CTSW: variants seen among roughly 807,000 people sequenced by gnomAD.
CTSW encodes the protein cathepsin W.
A neutral mutation model predicts 43.8 loss-of-function variants in CTSW; 42 were observed. That is an observed-to-expected ratio of 0.96 (90% CI 0.75 to 1.24). The LOEUF (loss-of-function observed/expected upper bound fraction) is 1.24. Ranked by LOEUF, CTSW falls within the 50% of genes most tolerant of loss-of-function variation. The pLI is 0.00. For missense variants in CTSW, 475 were observed against 479.9 expected (o/e 0.99, Z 0.09); for synonymous variants, 191 against 184.8 (o/e 1.03, Z -0.27).
chr11:65,880,120 C>A, intron 1 of CTSW, 82 bp from the exon 2 acceptor site: 1 of 1,353,700 alleles, frequency 7.4e-7, no homozygotes, highest in Non-Finnish European at 1.1e-6. Flanking sequence ...TAGCCCAGTC[C>A]TTGCACGGCT....
chr11:65,883,367 A>T lies in CTSW; in HGVS notation c.963A>T (p.Pro321=). Residue 321 remains proline, a synonymous_variant, in exon 9 of 10, where the codon CCA becomes CCT. Coordinates refer to ENST00000307886, the MANE Select transcript of CTSW (RefSeq NM_001335.4). Reference sequence around the variant, plus strand: ...CATCGCAGTCTCAGCCTCAGCCTCCACACCCCACCCCATACTGGATCCTGA... The same window carrying T: ...CATCGCAGTCTCAGCCTCAGCCTCCTCACCCCACCCCATACTGGATCCTGA... The part of the protein sequence containing the change: ...TVSSQSQPQP[P]HPTPYWILKN... The T allele has an allele frequency of 6.2e-7, 1 of 1,613,986 alleles. No homozygotes were observed. Among genetic ancestry groups the T allele is most frequent in the Non-Finnish European group, 8.5e-7 (1 of 1,179,980 alleles).
In CTSW at chr11:65,882,462, G is replaced by A. The variant is rs746659116; in HGVS notation, c.474G>A (p.Ala158=). 9.3e-6 allele frequency: 15 copies of A among 1,614,068 alleles called. No homozygotes were observed. Among genetic ancestry groups the A allele is most frequent in the East Asian group, 6.7e-5 (3 of 44,896 alleles). Residue 158 remains alanine, a synonymous_variant, in exon 5 of 10, where the codon GCG becomes GCA. Coordinates refer to ENST00000307886, the MANE Select transcript of CTSW (RefSeq NM_001335.4). ...KNCNCCWAMA[A]AGNIETLWRI... is the part of the protein sequence containing the mutation. Reference sequence around the variant, plus strand: ...GCAACTGCTGCTGGGCCATGGCAGCGGCAGGCAACATAGAGACCCTGTGGC... The same window carrying A: ...GCAACTGCTGCTGGGCCATGGCAGCAGCAGGCAACATAGAGACCCTGTGGC...
rs1273483085 is a variant in CTSW at position 65,880,287 on chromosome 11, G to A, written c.172+1G>A. The A allele has an allele frequency of 1.9e-6, 3 of 1,611,992 alleles. No individual in the cohort carries two copies. The highest frequency in any genetic ancestry group is 2.2e-5 in the South Asian group (2 of 90,994). On this transcript the variant is annotated splice_donor_variant, in intron 2 of 9. Transcript: ENST00000307886. LOFTEE classifies it high-confidence loss of function. ...AACCGGAGTTACCTGAGCCCAGAAG[G>A]TATCACAGGGCACATACATCTCCAG...
intron 1 of CTSW, 105 bp downstream of exon 1, chr11:65,880,046 T>A (rs1282191952): frequency 6.3e-5 from 79 of 1,252,114 alleles, no homozygotes; most frequent in Non-Finnish European, 8.7e-5. Flanking sequence ...TTGCTGAGGC[T>A]GGAGAGGGGG....
chr11:65,883,562 C>T lies in CTSW; in HGVS notation c.1075C>T (p.Leu359Phe). Residue 359 changes from leucine to phenylalanine, a missense_variant, in exon 10 of 10, where the codon CTC becomes TTC. Coordinates refer to ENST00000307886, the MANE Select transcript of CTSW (RefSeq NM_001335.4). ...SNTCGITKFP[L>F]TARVQKPDMK... Reference sequence around the variant, plus strand: ...TACCTGTGGCATCACCAAGTTCCCGCTCACTGCCCGTGTGCAGAAACCGGA... The same window carrying T: ...TACCTGTGGCATCACCAAGTTCCCGTTCACTGCCCGTGTGCAGAAACCGGA... 1 of 1,614,128 alleles carries T rather than the reference C, an allele frequency of 6.2e-7. No homozygotes were observed. The highest frequency in any genetic ancestry group is 8.5e-7 in the Non-Finnish European group (1 of 1,179,996).
Position 65,882,347 on chromosome 11 carries a change from G to A in CTSW, c.441+18G>A. 1 of 1,614,070 alleles carries A rather than the reference G, an allele frequency of 6.2e-7. No homozygotes were observed. Among genetic ancestry groups the A allele is most frequent in the Non-Finnish European group, 8.5e-7 (1 of 1,179,980 alleles). Reference sequence around the variant, plus strand: ...AGGACCAGGTATCTGCCGCTACCCAGCTGGCTCTAATTCAGCTAAGTGGTG... The same window carrying A: ...AGGACCAGGTATCTGCCGCTACCCAACTGGCTCTAATTCAGCTAAGTGGTG... On this transcript the variant is annotated intron_variant, in intron 4 of 9. Transcript: ENST00000307886.
chr11:65,882,402 A>G, intron 4 of CTSW, 28 bp from the exon 5 acceptor site: 1 of 1,613,926 alleles, frequency 6.2e-7, no homozygotes, highest in Non-Finnish European at 8.5e-7. Flanking sequence ...CCGAACACCT[A>G]GCCCCGCCCC....
In CTSW at chr11:65,882,474, A is replaced by G; in HGVS notation, c.486A>G (p.Ile162Met). 6.2e-7 allele frequency: 1 copy of G among 1,614,134 alleles called. No homozygotes were observed. The highest frequency in any genetic ancestry group is 8.5e-7 in the Non-Finnish European group (1 of 1,180,004). Reference sequence around the variant, plus strand: ...GGGCCATGGCAGCGGCAGGCAACATAGAGACCCTGTGGCGCATCAGTTTCT... The same window carrying G: ...GGGCCATGGCAGCGGCAGGCAACATGGAGACCCTGTGGCGCATCAGTTTCT... ...CCWAMAAAGN[I>M]ETLWRISFWD... is the part of the protein sequence containing the mutation. The change falls in exon 5 of 10, where the codon ATA (isoleucine) becomes ATG (methionine). Residue 162 changes from isoleucine to methionine, a missense_variant. Coordinates refer to ENST00000307886, the MANE Select transcript of CTSW (RefSeq NM_001335.4).
In CTSW at chr11:65,879,915, G is replaced by T. The variant is rs1860084479; in HGVS notation, c.61G>T (p.Gly21Cys). 1 of 1,613,592 alleles carries T rather than the reference G, an allele frequency of 6.2e-7. No individual in the cohort carries two copies. Reference sequence around the variant, plus strand: ...CCTGTTGGTGGCAGGCCTAGCCCAAGGCATCAGAGGCCCCCTTAGGGCCCA... The same window carrying T: ...CCTGTTGGTGGCAGGCCTAGCCCAATGCATCAGAGGCCCCCTTAGGGCCCA... ...LALLVAGLAQ[G>C]IRGPLRAQDL... The change falls in exon 1 of 10, where the codon GGC becomes TGC. Residue 21 changes from glycine to cysteine, a missense_variant. By Grantham distance (159) the Gly-to-Cys change is radical. Transcript: ENST00000307886.
chr11:65,883,508 G>C lies in CTSW; in HGVS notation c.1021G>C (p.Gly341Arg), dbSNP rs1367096566. Residue 341 changes from glycine (G) to arginine (R), a missense_variant and splice_region_variant, in exon 10 of 10, where the codon GGC becomes CGC. Gly to Arg is a moderately radical substitution (Grantham distance 125). Coordinates refer to ENST00000307886, the MANE Select transcript of CTSW (RefSeq NM_001335.4). ...GCCCCTATGTCCCCTAACCTCCTAG[G>C]GCTATTTCCGGCTGCACCGAGGGAG... ...NSWGAQWGEK[G>R]YFRLHRGSNT... is the part of the protein sequence containing the mutation. 1 of 1,613,498 alleles carries C rather than the reference G, an allele frequency of 6.2e-7. No homozygotes were observed. Among genetic ancestry groups the C allele is most frequent in the Non-Finnish European group, 8.5e-7 (1 of 1,179,634 alleles).
rs759204278 is a variant in CTSW at position 65,880,228 on chromosome 11, G to A, written c.114G>A (p.Leu38=). Residue 38 remains leucine (L), a synonymous_variant, in exon 2 of 10, where the codon CTG becomes CTA. Transcript: ENST00000307886. ...AQDLGPQPLE[L]KEAFKLFQIQ... ...ACCTAGGTCCCCAGCCGCTAGAGCT[G>A]AAAGAGGCCTTCAAGTTGTTCCAGA... 3 of 1,614,168 alleles carry A rather than the reference G, an allele frequency of 1.9e-6. No individual in the cohort carries two copies. Among genetic ancestry groups the A allele is most frequent in the Admixed American group, 3.3e-5 (2 of 60,018 alleles).
chr11:65,880,635 T>G, intron 2 of CTSW: 2 of 241,942 alleles, frequency 8.3e-6, no homozygotes, highest in Non-Finnish European at 1.6e-5. Context: ...CGCTTTGTAA[T>G]AGATGAAGAA....
intron 2 of CTSW, 178 bp downstream of exon 2, chr11:65,880,464 G>C (rs979624348): frequency 4.1e-6 from 2 of 492,088 alleles, no homozygotes; most frequent in African/African-American, 2.0e-5. Context: ...GGGATTACAG[G>C]CATGCGCCAC....
chr11:65,883,160 G>A, intron 8 of CTSW, 27 bp downstream of exon 8: 1 of 1,613,910 alleles, frequency 6.2e-7, no homozygotes, highest in East Asian at 2.2e-5. Flanking sequence ...GATGGGGAAG[G>A]GGCATACAGG....
chr11:65,881,585 G>T, intron 3 of CTSW, 65 bp downstream of exon 3: 1 of 1,123,320 alleles, frequency 8.9e-7, no homozygotes, highest in Non-Finnish European at 1.3e-6. Flanking sequence ...GACACTGGCA[G>T]CTGGACCCAG....
chr11:65,882,642 G>A lies in CTSW; in HGVS notation c.572G>A (p.Cys191Tyr), dbSNP rs1334993201. The A allele has an allele frequency of 1.9e-6, 3 of 1,614,176 alleles. No homozygotes were observed. Among genetic ancestry groups the A allele is most frequent in the Non-Finnish European group, 2.5e-6 (3 of 1,180,028 alleles). Residue 191 changes from cysteine (C) to tyrosine (Y), a missense_variant, in exon 6 of 10, where the codon TGC (cysteine) becomes TAC (tyrosine). By Grantham distance (194) the Cys-to-Tyr change is radical (BLOSUM62 -2). Coordinates refer to ENST00000307886, the MANE Select transcript of CTSW (RefSeq NM_001335.4). ...GACTGTGGCCGCTGTGGGGATGGCT[G>A]CCACGGTGGCTTCGTCTGGGACGCG... ...LLDCGRCGDG[C>Y]HGGFVWDAFI...
rs527826839 is a variant in CTSW at position 65,883,428 on chromosome 11, A to T, written c.1020+4A>T. The T allele has an allele frequency of 6.2e-7, 1 of 1,613,934 alleles. No homozygotes were observed. Among genetic ancestry groups the T allele is most frequent in the South Asian group, 1.1e-5 (1 of 91,080 alleles). ...GGGGGCCCAATGGGGAGAGAAGGTG[A>T]GTGTGATCTATTGGGGGAGGGGGCA... On this transcript the variant is annotated splice_donor_region_variant and intron_variant, in intron 9 of 9. Transcript: ENST00000307886.
At chr11:65,882,548 C>A in intron 5 of CTSW, 22 bp downstream of exon 5, 1 of 1,613,996 alleles carries the variant, frequency 6.2e-7, no homozygotes, top group Non-Finnish European at 8.5e-7. Flanking sequence ...AGAGGGTGCG[C>A]GTGTGACAGG....
At chr11:65,880,447 A>C (rs1196866120) in intron 2 of CTSW, 161 bp downstream of exon 2, 9 of 532,264 alleles carry the variant, frequency 1.7e-5, no homozygotes, top group Non-Finnish European at 2.7e-5. Flanking sequence ...TCAGCCTCTG[A>C]GTAGCTGGGA....
Sources: allele counts gnomAD v4.1 joint callset, GRCh38; gene constraint gnomAD v4.1.1; transcripts MANE v1.5; gene names NCBI Gene and HGNC (gene_info 2026-07-23, HGNC 2026-07-21).